Variants in CDYL2 observed in about 807,000 individuals in gnomAD.
The protein encoded by CDYL2 is chromodomain Y like 2, also known as chromodomain Y-like protein 2.
CDYL2 carries 23 observed loss-of-function variants against 49.4 expected under a neutral mutation model. That is an observed-to-expected ratio of 0.47 (90% CI 0.34 to 0.66). The LOEUF (loss-of-function observed/expected upper bound fraction) is 0.66, where lower values mean the gene tolerates loss of function less well. Among genes scored for constraint, CDYL2 ranks in the 30% least tolerant of loss-of-function variants. CDYL2 has a pLI of 0.01. For synonymous variants in CDYL2, 360 were observed against 268.8 expected (o/e 1.34, Z -3.32); for missense variants, 678 against 656.4 (o/e 1.03, Z -0.36).
At chr16:80,669,778 T>C (rs1215725557) in intron 2 of CDYL2, among the ~76,000 whole-genome samples, 1 of 152,052 alleles carries the variant, frequency 6.6e-6, no homozygotes, top group Non-Finnish European at 1.5e-5. Flanking sequence ...TGTCGGAACT[T>C]GGACAAGGAG....
At chr16:80,752,186 C>G (rs1378540717) in intron 1 of CDYL2, among the ~76,000 whole-genome samples, 28 of 151,850 alleles carry the variant, frequency 1.8e-4, no homozygotes, top group Non-Finnish European at 5.9e-5. Context: ...ATATAAAACA[C>G]AAATAGAATT....
intron 2 of CDYL2, among the ~76,000 whole-genome samples, chr16:80,679,364 A>C (rs2316151): frequency 0.03 from 4,538 of 152,220 alleles, 115 homozygotes; most frequent in African/African-American, 0.066. Flanking sequence ...CCAGTCACAA[A>C]ATGTCTCTGT....
At chr16:80,656,539 G>C (rs1400097436) in intron 2 of CDYL2, among the ~76,000 whole-genome samples, 1 of 152,190 alleles carries the variant, frequency 6.6e-6, no homozygotes, top group East Asian at 1.9e-4. Context: ...CTACATATCT[G>C]GAAAATAGGA....
chr16:80,623,026 G>T (rs1442986342), intron 3 of CDYL2, among the ~76,000 whole-genome samples: 1 of 152,172 alleles, frequency 6.6e-6, no homozygotes, highest in African/African-American at 2.4e-5. Flanking sequence ...TCAGGAAGTG[G>T]CAGAGCCTGC....
chr16:80,608,050 G>C, intron 6 of CDYL2, 42 bp downstream of exon 6: 5 of 1,523,836 alleles, frequency 3.3e-6, no homozygotes, highest in Non-Finnish European at 4.4e-6. Flanking sequence ...TGTAAAATGG[G>C]TCTATCAAAA....
intron 2 of CDYL2, chr16:80,671,063 G>C (rs1909483342): frequency 2.2e-6 from 1 of 451,302 alleles, no homozygotes; most frequent in Non-Finnish European, 4.5e-6. Flanking sequence ...CCCCAGTGGA[G>C]GCTTCTCTCT....
At chr16:80,659,582 T>C (rs1220531349) in intron 2 of CDYL2, among the ~76,000 whole-genome samples, 1 of 152,018 alleles carries the variant, frequency 6.6e-6, no homozygotes, top group Non-Finnish European at 1.5e-5. Context: ...ACAATTTGTA[T>C]ATAGTTTATA....
At chr16:80,609,959 C>T (rs1906521122) in intron 5 of CDYL2, among the ~76,000 whole-genome samples, 1 of 152,184 alleles carries the variant, frequency 6.6e-6, no homozygotes, top group African/African-American at 2.4e-5. Context: ...AAGCCTCAAT[C>T]TTCTCTGCTG....
chr16:80,757,396 TG>T (rs1906347150), intron 1 of CDYL2, among the ~76,000 whole-genome samples: 1 of 151,902 alleles, frequency 6.6e-6, no homozygotes. Context: ...AAAAATTAGT[TG>T]TGTGTAGCGG....
chr16:80,742,881 G>A (rs866897979), intron 1 of CDYL2, among the ~76,000 whole-genome samples: 4 of 150,596 alleles, frequency 2.7e-5, no homozygotes, highest in African/African-American at 7.3e-5. Context: ...GGGTAGATGG[G>A]TGAAGGATGG....
chr16:80,745,225 T>G (rs1905885868), intron 1 of CDYL2, among the ~76,000 whole-genome samples: 1 of 152,146 alleles, frequency 6.6e-6, no homozygotes, highest in Non-Finnish European at 1.5e-5. Flanking sequence ...TGAGGGTTTT[T>G]AACTGAGACC....
chr16:80,709,796 A>G (rs968675263), intron 1 of CDYL2, among the ~76,000 whole-genome samples: 4 of 152,104 alleles, frequency 2.6e-5, no homozygotes, highest in South Asian at 2.1e-4. Context: ...TTTCTTAACC[A>G]TCTTGCATGT....
chr16:80,787,440 T>C (rs893519195), intron 1 of CDYL2, among the ~76,000 whole-genome samples: 5 of 152,216 alleles, frequency 3.3e-5, no homozygotes, highest in African/African-American at 1.2e-4. Flanking sequence ...TAGGAGGTAC[T>C]GGGTGATCAT....
At chr16:80,618,131 A>T (rs1906913497) in intron 4 of CDYL2, among the ~76,000 whole-genome samples, 1 of 152,178 alleles carries the variant, frequency 6.6e-6, no homozygotes, top group African/African-American at 2.4e-5. Context: ...ATCGAGAAGA[A>T]TTCCTCCTGC....
chr16:80,609,252 G>A (rs550669873), intron 5 of CDYL2, among the ~76,000 whole-genome samples: 1 of 152,190 alleles, frequency 6.6e-6, no homozygotes, highest in African/African-American at 2.4e-5. Flanking sequence ...GATAATTAGG[G>A]CATAATGGTC....
At chr16:80,715,807 A>G (rs1051483046) in intron 1 of CDYL2, among the ~76,000 whole-genome samples, 2 of 151,998 alleles carry the variant, frequency 1.3e-5, no homozygotes, top group Non-Finnish European at 2.9e-5. Flanking sequence ...CAGCCACTCT[A>G]TGGAATCATC....
At chr16:80,678,825 C>T (rs1173662521) in intron 2 of CDYL2, among the ~76,000 whole-genome samples, 25 of 151,012 alleles carry the variant, frequency 1.7e-4, no homozygotes, top group East Asian at 3.9e-4. Context: ...ATGTTTATTG[C>T]GGCACTATTC....
chr16:80,697,634 C>T (rs1373390103), intron 1 of CDYL2, among the ~76,000 whole-genome samples: 1 of 152,124 alleles, frequency 6.6e-6, no homozygotes, highest in Admixed American at 6.5e-5. Context: ...GTCAAATTAT[C>T]CTTGTTTGCA....
At chr16:80,643,941 A>C (rs1210746106) in intron 2 of CDYL2, among the ~76,000 whole-genome samples, 1 of 152,200 alleles carries the variant, frequency 6.6e-6, no homozygotes, top group Non-Finnish European at 1.5e-5. Flanking sequence ...TACTTATGCA[A>C]ATGTCTGAAG....
Sources: allele counts gnomAD v4.1 joint callset (sites outside exome capture counted in the v4.1 genomes callset), GRCh38; gene constraint gnomAD v4.1.1; transcripts MANE v1.5; gene names NCBI Gene and HGNC (gene_info 2026-07-23, HGNC 2026-07-21).